CFHR2: variants seen among roughly 807,000 people sequenced by gnomAD.
CFHR2 encodes the protein complement factor H related 2, also known as complement factor H-related protein 2.
Under a neutral mutation model 21.7 loss-of-function variants are expected in CFHR2, and 22 were observed. That is an observed-to-expected ratio of 1.01 (90% CI 0.72 to 1.45). The LOEUF is 1.45. CFHR2 is among the 40% of genes most tolerant of loss of function. The pLI is 0.00. For synonymous variants in CFHR2, 98 were observed against 97.4 expected (o/e 1.01, Z -0.04); for missense variants, 294 against 293.3 (o/e 1.00, Z -0.02).
chr1:196,949,104 T>C (rs1056713161), intron 1 of CFHR2, among the ~76,000 whole-genome samples: 3 of 152,190 alleles, frequency 2.0e-5, no homozygotes, highest in African/African-American at 7.2e-5. Flanking sequence ...ACCCTGTCAC[T>C]CCTCTACTGT....
At chr1:196,952,257 C>T (rs1435832177) in intron 3 of CFHR2, among the ~76,000 whole-genome samples, 1 of 152,282 alleles carries the variant, frequency 6.6e-6, no homozygotes, top group South Asian at 2.1e-4. Flanking sequence ...ACCTGGGCAA[C>T]AGAGTGAGAC....
chr1:196,956,672 T>C (rs1292107916), intron 3 of CFHR2, among the ~76,000 whole-genome samples: 1 of 152,214 alleles, frequency 6.6e-6, no homozygotes, highest in Non-Finnish European at 1.5e-5. Flanking sequence ...ATTATTGTTT[T>C]ACTATTTGGG....
At chr1:196,946,736 T>G (rs1478932738) in intron 1 of CFHR2, among the ~76,000 whole-genome samples, 1 of 152,234 alleles carries the variant, frequency 6.6e-6, no homozygotes, top group Non-Finnish European at 1.5e-5. Context: ...TCTTCTGGAA[T>G]AGTTCCTGAA....
intron 3 of CFHR2, among the ~76,000 whole-genome samples, chr1:196,955,562 G>A (rs1024192049): frequency 3.3e-5 from 5 of 152,154 alleles, no homozygotes; most frequent in African/African-American, 7.2e-5. Context: ...CAGTAAAATA[G>A]GTTTGGCCAG....
At chr1:196,946,884 G>T (rs1473078490) in intron 1 of CFHR2, among the ~76,000 whole-genome samples, 2 of 152,140 alleles carry the variant, frequency 1.3e-5, no homozygotes, top group East Asian at 1.9e-4. Flanking sequence ...TCATCATCAA[G>T]TATTATGTAC....
chr1:196,953,930 A>G (rs1652758069), intron 3 of CFHR2, among the ~76,000 whole-genome samples: 1 of 152,204 alleles, frequency 6.6e-6, no homozygotes, highest in South Asian at 2.1e-4. Context: ...TTTATGAACT[A>G]ACCATTAATG....
intron 1 of CFHR2, among the ~76,000 whole-genome samples, chr1:196,945,077 T>C (rs1183916333): frequency 3.4e-5 from 5 of 145,006 alleles, no homozygotes; most frequent in Admixed American, 2.1e-4. Flanking sequence ...GGTTTCTCCA[T>C]GTTGGTCAGG....
chr1:196,946,407 T>C (rs1659485789), intron 1 of CFHR2, among the ~76,000 whole-genome samples: 2 of 152,210 alleles, frequency 1.3e-5, no homozygotes, highest in African/African-American at 4.8e-5. Context: ...CCTTAGTTTA[T>C]GTTGACCTTT....
intron 4 of CFHR2, 40 bp from the exon 5 acceptor site, chr1:196,958,841 T>C: frequency 7.7e-7 from 1 of 1,303,132 alleles, no homozygotes; most frequent in African/African-American, 1.5e-5. Context: ...AAGATTTGCA[T>C]ACTACTTAAT....
chr1:196,956,247 A>G (rs375828709), intron 3 of CFHR2, among the ~76,000 whole-genome samples: 5 of 152,210 alleles, frequency 3.3e-5, no homozygotes, highest in East Asian at 3.9e-4. Context: ...TGCTCCAGCT[A>G]CCAATATCTC....
intron 3 of CFHR2, among the ~76,000 whole-genome samples, chr1:196,957,173 G>A (rs75799269): frequency 0.16 from 24,929 of 151,812 alleles, 2,186 homozygotes; most frequent in Middle Eastern, 0.32. Context: ...TTCTTTTTCT[G>A]TCTGAACCTC....
At position 196,957,974 on chromosome 1, in the gene CFHR2, T is replaced by C. The variant is rs763471944; in HGVS notation, c.514T>C (p.Ser172Pro). The change falls in exon 4 of 5, where the codon TCA (serine) becomes CCA (proline). Residue 172 changes from serine (S) to proline (P), a missense_variant. Ser to Pro is a moderately conservative substitution (Grantham distance 74). Coordinates refer to ENST00000367415, the MANE Select transcript of CFHR2 (RefSeq NM_005666.4). The part of the protein sequence containing the change: ...SFLLSVYAPG[S>P]SVEYQCQNLY... ...CCTGTTGTCAGTATATGCTCCAGGTTCATCAGTTGAGTACCAGTGCCAGAA... is the reference window on the plus strand; with the variant it reads ...CCTGTTGTCAGTATATGCTCCAGGTCCATCAGTTGAGTACCAGTGCCAGAA... 6.2e-7 allele frequency: 1 copy of C among 1,613,816 alleles called. No individual in the cohort carries two copies. Among genetic ancestry groups the C allele is most frequent in the South Asian group, 1.1e-5 (1 of 91,072 alleles).
intron 4 of CFHR2, 109 bp downstream of exon 4, chr1:196,958,182 A>G: frequency 9.1e-7 from 1 of 1,100,516 alleles, no homozygotes; most frequent in Admixed American, 2.1e-5. Flanking sequence ...CATTCTGCTG[A>G]ATGCTTGCCT....
intron 3 of CFHR2, among the ~76,000 whole-genome samples, chr1:196,957,173 G>C (rs75799269): frequency 6.6e-6 from 1 of 151,768 alleles, no homozygotes; most frequent in African/African-American, 2.4e-5. Flanking sequence ...TTCTTTTTCT[G>C]TCTGAACCTC....
intron 1 of CFHR2, among the ~76,000 whole-genome samples, chr1:196,947,187 C>G (rs559926835): frequency 3.3e-5 from 5 of 151,912 alleles, no homozygotes; most frequent in South Asian, 4.2e-4. Context: ...AATATTCTAT[C>G]AGAATGTTGA....
intron 2 of CFHR2, among the ~76,000 whole-genome samples, chr1:196,950,124 C>T (rs1252648123): frequency 6.6e-6 from 1 of 151,922 alleles, no homozygotes; most frequent in Non-Finnish European, 1.5e-5. Context: ...GAGCAGACTC[C>T]AATGATAACA....
chr1:196,956,095 C>T (rs941096113), intron 3 of CFHR2, among the ~76,000 whole-genome samples: 1 of 152,120 alleles, frequency 6.6e-6, no homozygotes, highest in Non-Finnish European at 1.5e-5. Context: ...CAACCACCCC[C>T]CACCAGGTCT....
Position 196,958,082 on chromosome 1 carries a change from T to C in CFHR2, c.613+9T>C, listed in dbSNP as rs764529792. The C allele has an allele frequency of 6.2e-6, 10 of 1,611,140 alleles. No individual in the cohort carries two copies. Among genetic ancestry groups the C allele is most frequent in the Non-Finnish European group, 7.6e-6 (9 of 1,177,650 alleles). ...ACCACCAAAATGCTTAGGTAAGTACTTTAATATTCTCATGGATTCTGGAAA... is the reference window on the plus strand; with the variant it reads ...ACCACCAAAATGCTTAGGTAAGTACCTTAATATTCTCATGGATTCTGGAAA... On this transcript the variant is annotated intron_variant, in intron 4 of 4. Transcript: ENST00000367415.
intron 3 of CFHR2, among the ~76,000 whole-genome samples, chr1:196,956,717 C>G (rs1162083167): frequency 6.6e-6 from 1 of 152,030 alleles, no homozygotes; most frequent in African/African-American, 2.4e-5. Flanking sequence ...AAAGCATCAT[C>G]AATTTCAACA....
Sources: allele counts gnomAD v4.1 joint callset (sites outside exome capture counted in the v4.1 genomes callset), GRCh38; gene constraint gnomAD v4.1.1; transcripts MANE v1.5; gene names NCBI Gene and HGNC (gene_info 2026-07-23, HGNC 2026-07-21).